The following BAIAP2L1 variants were observed in gnomAD, a reference collection of about 807,000 sequenced individuals.
BAIAP2L1 encodes the protein BAR/IMD domain containing adaptor protein 2 like 1, also known as BAR/IMD domain-containing adapter protein 2-like 1.
In BAIAP2L1, 35 loss-of-function variants were observed where a neutral mutation model predicts 66.3. The ratio of observed to expected loss-of-function variants is 0.53; its 90% CI spans 0.40 to 0.70. BAIAP2L1 has a LOEUF of 0.70. Among genes scored for constraint, BAIAP2L1 ranks in the 30% least tolerant of loss-of-function variants. The pLI, the probability that BAIAP2L1 is intolerant of heterozygous loss-of-function variation, is 0.00. For synonymous variants in BAIAP2L1, 269 were observed against 248.7 expected (o/e 1.08, Z -0.77); for missense variants, 622 against 656.9 (o/e 0.95, Z 0.58).
intron 12 of BAIAP2L1, among the ~76,000 whole-genome samples, chr7:98,299,823 C>T (rs527516640): frequency 6.6e-6 from 1 of 152,112 alleles, no homozygotes; most frequent in South Asian, 2.1e-4. Context: ...GGAGGATCAC[C>T]TGAGATCAGG....
intron 1 of BAIAP2L1, among the ~76,000 whole-genome samples, chr7:98,394,964 T>A (rs1803165206): frequency 6.6e-6 from 1 of 150,816 alleles, no homozygotes; most frequent in African/African-American, 2.4e-5. Context: ...ATACAAAAAT[T>A]AGCCAGCGTG....
chr7:98,399,405 T>C (rs575688754), intron 1 of BAIAP2L1, among the ~76,000 whole-genome samples: 14 of 152,184 alleles, frequency 9.2e-5, no homozygotes, highest in Non-Finnish European at 1.6e-4. Context: ...TCAACAAAAG[T>C]TAATAGACTC....
At chr7:98,344,123 G>C (rs1484020436) in intron 3 of BAIAP2L1, among the ~76,000 whole-genome samples, 2 of 152,190 alleles carry the variant, frequency 1.3e-5, no homozygotes, top group Non-Finnish European at 2.9e-5. Flanking sequence ...GTTGCAGTGA[G>C]CTGAGATCGC....
Position 98,302,170 on chromosome 7 carries a change from C to T in BAIAP2L1, c.1422+2026G>A, listed in dbSNP as rs530797204. 3.3e-5 allele frequency among the ~76,000 whole-genome samples: 5 copies of T among 152,354 alleles called. No homozygotes were observed. In the South Asian group the frequency reaches 1.0e-3, roughly 32 times the overall value. On this transcript the variant is annotated intron_variant, in intron 12 of 13. Coordinates refer to ENST00000005260, the MANE Select transcript of BAIAP2L1 (RefSeq NM_018842.5). Reference sequence around the variant, plus strand: ...TCATTACTGAGTACACTGATACTTACAACCAGGCTTCTTCCATTTATCCAA... The same window carrying T: ...TCATTACTGAGTACACTGATACTTATAACCAGGCTTCTTCCATTTATCCAA...
chr7:98,359,185 T>C (rs1308309736), intron 2 of BAIAP2L1, among the ~76,000 whole-genome samples: 1 of 151,912 alleles, frequency 6.6e-6, no homozygotes. Context: ...GCTATTCAAG[T>C]GCACAGTGAT....
intron 1 of BAIAP2L1, among the ~76,000 whole-genome samples, chr7:98,389,152 A>T (rs1399273113): frequency 1.3e-5 from 2 of 151,876 alleles, no homozygotes; most frequent in African/African-American, 4.8e-5. Flanking sequence ...TGAAGGTGAC[A>T]GGGGGCCCTG....
chr7:98,400,441 A>C, intron 1 of BAIAP2L1: 1 of 161,824 alleles, frequency 6.2e-6, no homozygotes. Flanking sequence ...AACCAGGAGG[A>C]GGGGAGGGAC....
intron 12 of BAIAP2L1, among the ~76,000 whole-genome samples, chr7:98,302,973 A>G (rs1203808508): frequency 1.3e-5 from 2 of 152,066 alleles, no homozygotes; most frequent in Non-Finnish European, 2.9e-5. Flanking sequence ...TTTTGTCTAC[A>G]TAGGGTTTTG....
intron 1 of BAIAP2L1, among the ~76,000 whole-genome samples, chr7:98,396,808 A>C (rs1803220119): frequency 6.6e-6 from 1 of 152,212 alleles, no homozygotes; most frequent in Admixed American, 6.5e-5. Flanking sequence ...AAATAAAAAT[A>C]GTTAAGCCAA....
At chr7:98,325,465 G>A (rs973352052) in intron 3 of BAIAP2L1, among the ~76,000 whole-genome samples, 3 of 151,970 alleles carry the variant, frequency 2.0e-5, no homozygotes, top group African/African-American at 4.8e-5. Flanking sequence ...ATCACTTGAG[G>A]TCAGTAGTTT....
intron 1 of BAIAP2L1, among the ~76,000 whole-genome samples, chr7:98,377,898 C>T (rs767680983): frequency 6.2e-5 from 9 of 144,686 alleles, no homozygotes; most frequent in East Asian, 4.1e-4. Flanking sequence ...GAGGCCGAGA[C>T]GGGCGGATCA....
Position 98,401,074 on chromosome 7 carries a change from G to A in BAIAP2L1, c.-222C>T, listed in dbSNP as rs1213190928. The A allele has an allele frequency of 1.9e-5, 7 of 377,266 alleles. No individual in the cohort carries two copies. In the South Asian group the frequency reaches 6.7e-4, roughly 36 times the overall value. 23.4% of individuals were successfully genotyped at this position (377,266 alleles called of 1,614,324 possible). A position where few individuals can be genotyped will look rare whatever the true frequency, so the allele number is the denominator to read the frequency against. ...TTCTTCGAGGAGCAGAGGAGAAGCG[G>A]CCGGACGCCGCCAGAGGAAGCTGGG... On this transcript the variant is annotated 5_prime_UTR_variant, in exon 1 of 14. Transcript: ENST00000005260.
At chr7:98,317,105 G>A (rs940594386) in intron 6 of BAIAP2L1, 114 bp downstream of exon 6, 123 of 1,330,788 alleles carry the variant, frequency 9.2e-5, no homozygotes, top group South Asian at 5.2e-4. Context: ...CTACTGCCTC[G>A]GCCTCCCAAA....
intron 2 of BAIAP2L1, among the ~76,000 whole-genome samples, chr7:98,357,041 ATATATATATTTTTTTTTTT>A (rs1425744313): frequency 5.7e-5 from 1 of 17,616 alleles, no homozygotes; most frequent in African/African-American, 2.1e-4. Context: ...ATATATATAT[ATATATATATTTTTTTTTTT>A]TTTTTTTTAA....
Position 98,380,576 on chromosome 7 carries a change from G to A in BAIAP2L1, c.52-18144C>T, listed in dbSNP as rs1802731003. 2.0e-5 allele frequency among the ~76,000 whole-genome samples: 3 copies of A among 151,752 alleles called. No homozygotes were observed. The South Asian group carries it at 6.3e-4, about 32-fold the overall frequency. Reference sequence around the variant, plus strand: ...CCACCAGGTTCCTCCCACAACACATGGAAATCATAGGAATACAATTCAAAA... The same window carrying A: ...CCACCAGGTTCCTCCCACAACACATAGAAATCATAGGAATACAATTCAAAA... On this transcript the variant is annotated intron_variant, in intron 1 of 13. Transcript: ENST00000005260.
intron 7 of BAIAP2L1, among the ~76,000 whole-genome samples, chr7:98,313,792 C>CTCTTTTT (rs1179300343): frequency 7.5e-6 from 1 of 132,944 alleles, no homozygotes; most frequent in African/African-American, 2.7e-5. Context: ...CTAATTAAAA[C>CTCTTTTT]TTTTTTTTTT....
chr7:98,363,861 A>G (rs999847279), intron 1 of BAIAP2L1, among the ~76,000 whole-genome samples: 3 of 151,892 alleles, frequency 2.0e-5, no homozygotes, highest in Non-Finnish European at 4.4e-5. Flanking sequence ...ATGAATCAGG[A>G]GGAGAGAGAG....
intron 3 of BAIAP2L1, among the ~76,000 whole-genome samples, chr7:98,338,153 C>T (rs903272547): frequency 6.6e-5 from 10 of 152,138 alleles, no homozygotes; most frequent in African/African-American, 9.7e-5. Context: ...TGCCGTTAGG[C>T]GGGGCATGGT....
intron 1 of BAIAP2L1, among the ~76,000 whole-genome samples, chr7:98,398,174 T>C (rs564317686): frequency 1.2e-4 from 18 of 152,282 alleles, no homozygotes; most frequent in African/African-American, 4.1e-4. Context: ...GCATTTCTAT[T>C]AGTAAAATAT....
Sources: gnomAD v4.1 joint callset for allele counts (sites outside exome capture counted in the v4.1 genomes callset) on GRCh38, gnomAD v4.1.1 for gene constraint, MANE v1.5 for transcripts, NCBI Gene and HGNC (gene_info 2026-07-23, HGNC 2026-07-21) for gene names.